Variants in NRG1 observed in about 807,000 individuals in gnomAD.
NRG1 encodes pro-neuregulin-1, membrane-bound isoform.
NRG1 carries 18 observed loss-of-function variants against 63.8 expected under a neutral mutation model. That is an observed-to-expected ratio of 0.28 (90% confidence interval 0.19 to 0.42). The LOEUF is 0.42. Ranked by LOEUF, NRG1 falls within the 10% of genes least tolerant of loss-of-function variation. The pLI is 1.00. For missense variants in NRG1, 762 were observed against 814.7 expected (o/e 0.94, Z 0.79); for synonymous variants, 302 against 301.3 (o/e 1.00, Z -0.02).
At chr8:31,867,854 A>G (rs1338660117) in intron 1 of NRG1, among the ~76,000 whole-genome samples, 3 of 152,148 alleles carry the variant, frequency 2.0e-5, no homozygotes, top group Non-Finnish European at 4.4e-5. Context: ...GAATCTGTGT[A>G]TGTATTTTAT....
intron 1 of NRG1, among the ~76,000 whole-genome samples, chr8:31,912,957 AATTTAGCTAG>A (rs771888285): frequency 2.7e-4 from 41 of 152,200 alleles, no homozygotes; most frequent in Non-Finnish European, 5.7e-4. Flanking sequence ...GATGATAGGT[AATTTAGCTAG>A]ATTTAGCTAC....
chr8:32,666,233 C>G (rs543445580), intron 5 of NRG1, among the ~76,000 whole-genome samples: 2 of 152,256 alleles, frequency 1.3e-5, no homozygotes, highest in African/African-American at 4.8e-5. Flanking sequence ...CACTCCTTTG[C>G]AGACAGACTT....
chr8:32,674,972 C>A (rs1388751786), intron 5 of NRG1, among the ~76,000 whole-genome samples: 2 of 152,080 alleles, frequency 1.3e-5, no homozygotes, highest in Non-Finnish European at 2.9e-5. Flanking sequence ...GAGTAGTTGG[C>A]TTTTGTATTA....
chr8:32,089,714 A>G (rs1828816666), intron 1 of NRG1, among the ~76,000 whole-genome samples: 2 of 152,252 alleles, frequency 1.3e-5, no homozygotes, highest in Admixed American at 6.5e-5. Context: ...AGAAACGCTC[A>G]TACATTAAAA....
chr8:32,178,651 G>T (rs1841069278), intron 1 of NRG1, among the ~76,000 whole-genome samples: 1 of 152,088 alleles, frequency 6.6e-6, no homozygotes. Context: ...GTGGAGAATA[G>T]ACTGTCCATG....
At chr8:31,999,653 T>A (rs1812602360) in intron 1 of NRG1, among the ~76,000 whole-genome samples, 1 of 152,052 alleles carries the variant, frequency 6.6e-6, no homozygotes, top group African/African-American at 2.4e-5. Context: ...AGATGTTTTG[T>A]AGTCTCTACT....
intron 9 of NRG1, among the ~76,000 whole-genome samples, chr8:32,757,937 G>C (rs977830930): frequency 6.6e-6 from 1 of 152,130 alleles, no homozygotes; most frequent in Non-Finnish European, 1.5e-5. Context: ...ATAGTGAAAT[G>C]GTTCAGGGAC....
At chr8:32,731,407 C>CTTT (rs10673810) in intron 6 of NRG1, among the ~76,000 whole-genome samples, 2 of 146,542 alleles carry the variant, frequency 1.4e-5, no homozygotes, top group African/African-American at 5.0e-5. Context: ...GAAATTACAC[C>CTTT]TTTTTTTTTT....
At chr8:31,774,431 A>G (rs1355940547) in intron 1 of NRG1, among the ~76,000 whole-genome samples, 3 of 151,996 alleles carry the variant, frequency 2.0e-5, no homozygotes, top group Non-Finnish European at 2.9e-5. Flanking sequence ...GAGCAGTGAC[A>G]TTGTCTTTTT....
At chr8:32,072,719 A>G (rs1409682567) in intron 1 of NRG1, among the ~76,000 whole-genome samples, 1 of 152,132 alleles carries the variant, frequency 6.6e-6, no homozygotes, top group Non-Finnish European at 1.5e-5. Flanking sequence ...CTGAATTTCT[A>G]TTTCTTAAGG....
chr8:31,835,659 T>C (rs1825623805), intron 1 of NRG1, among the ~76,000 whole-genome samples: 1 of 152,220 alleles, frequency 6.6e-6, no homozygotes, highest in Non-Finnish European at 1.5e-5. Context: ...TTTAATAGCA[T>C]ATTTTTCCCA....
Position 32,042,959 on chromosome 8 carries a change from G to T in NRG1, c.37+403528G>T, listed in dbSNP as rs1359319678. Among the ~76,000 whole-genome samples the T allele has an allele frequency of 2.2e-4, 3 of 13,392 alleles. No individual in the cohort carries two copies. The East Asian group carries it at 7.7e-3, about 35-fold the overall frequency. 8.8% of individuals were successfully genotyped at this position (13,392 alleles called of 152,430 possible). ...GAAAATCCAGAAAGGTAGAAAGAGT[G>T]CAGTGTGTGTGTGTGTGTGTGTGTG... On this transcript the variant is annotated intron_variant, in intron 1 of 10. Coordinates refer to the NRG1 transcript ENST00000519301.
At position 32,367,211 on chromosome 8, in the gene NRG1, C is replaced by T. The variant is rs113528639; in HGVS notation, c.38-228617C>T. 5.7e-3 allele frequency among the ~76,000 whole-genome samples: 865 copies of T among 152,208 alleles called. 3 individuals are homozygous for T. Among genetic ancestry groups the T allele is most frequent in the Non-Finnish European group, 9.2e-3 (627 of 68,008 alleles). Reference sequence around the variant, plus strand: ...TACTTTTAGTTTTTTGAGAAACCTCCGAACTATTTTCTACAGTGGTTGTAC... The same window carrying T: ...TACTTTTAGTTTTTTGAGAAACCTCTGAACTATTTTCTACAGTGGTTGTAC... On this transcript the variant is annotated intron_variant, in intron 1 of 10. Transcript: ENST00000519301.
chr8:32,077,326 A>T (rs963830564), intron 1 of NRG1, among the ~76,000 whole-genome samples: 1 of 152,242 alleles, frequency 6.6e-6, no homozygotes, highest in East Asian at 1.9e-4. Context: ...GAAATCGCAC[A>T]TTGCCCTCCA....
chr8:31,843,733 A>G (rs1440837526), intron 1 of NRG1, among the ~76,000 whole-genome samples: 1 of 152,118 alleles, frequency 6.6e-6, no homozygotes, highest in Non-Finnish European at 1.5e-5. Context: ...TTCCCTTTCT[A>G]CTGATGATAC....
chr8:32,641,295 A>G (rs1231199639), intron 5 of NRG1, among the ~76,000 whole-genome samples: 4 of 151,982 alleles, frequency 2.6e-5, no homozygotes, highest in African/African-American at 9.7e-5. Context: ...ACAAAGTCTC[A>G]TTTTTCCTTG....
intron 1 of NRG1, among the ~76,000 whole-genome samples, chr8:32,260,017 G>A (rs1382440429): frequency 6.6e-6 from 1 of 152,094 alleles, no homozygotes; most frequent in African/African-American, 2.4e-5. Flanking sequence ...CAAACATGTT[G>A]TAACTCATGT....
chr8:32,391,134 AG>A (rs1400890644), intron 1 of NRG1, among the ~76,000 whole-genome samples: 1 of 150,512 alleles, frequency 6.6e-6, no homozygotes, highest in Non-Finnish European at 1.5e-5. Context: ...TTTTGGGGGG[AG>A]GGGGGCTGGT....
At chr8:31,882,538 A>G (rs1830433104) in intron 1 of NRG1, among the ~76,000 whole-genome samples, 1 of 152,046 alleles carries the variant, frequency 6.6e-6, no homozygotes, top group South Asian at 2.1e-4. Flanking sequence ...ACATTTTTTA[A>G]GGTGATAGCT....
Sources: allele counts gnomAD v4.1 joint callset (sites outside exome capture counted in the v4.1 genomes callset), GRCh38; gene constraint gnomAD v4.1.1; transcripts MANE v1.5; gene names NCBI Gene and HGNC (gene_info 2026-07-23, HGNC 2026-07-21).